MAST2: variants seen among roughly 807,000 people sequenced by gnomAD.
MAST2 encodes microtubule associated serine/threonine kinase 2, also known as microtubule-associated serine/threonine-protein kinase 2.
In MAST2, 70 loss-of-function variants were observed where a neutral mutation model predicts 147.4. The ratio of observed to expected loss-of-function variants is 0.47; its 90% CI spans 0.39 to 0.58. MAST2 has a LOEUF of 0.58. MAST2 is among the 20% of genes least tolerant of loss of function. The pLI, the probability that MAST2 is intolerant of heterozygous loss-of-function variation, is 0.00. For missense variants in MAST2, 2,080 were observed against 2,302.3 expected, an observed-to-expected ratio of 0.90 and a Z score of 1.98; for synonymous variants, 869 against 896.8, an observed-to-expected ratio of 0.97 and a Z score of 0.55.
At chr1:45,936,976 C>T (rs566719688) in intron 4 of MAST2, among the ~76,000 whole-genome samples, 1 of 149,924 alleles carries the variant, frequency 6.7e-6, no homozygotes, top group Admixed American at 6.6e-5. Context: ...CTCCTAGGCT[C>T]AAGCAGTCCT....
chr1:46,011,415 C>G (rs936404308), intron 10 of MAST2, among the ~76,000 whole-genome samples: 3 of 152,186 alleles, frequency 2.0e-5, no homozygotes, highest in Admixed American at 2.0e-4. Context: ...TTGGGACTTA[C>G]ATGTTTTGAG....
At chr1:45,822,046 G>A (rs1228374829) in intron 1 of MAST2, among the ~76,000 whole-genome samples, 3 of 151,140 alleles carry the variant, frequency 2.0e-5, no homozygotes, top group Non-Finnish European at 4.4e-5. Context: ...GTGCCATCAC[G>A]CCCAGCTAAT....
At chr1:45,863,261 C>G (rs551647129) in intron 3 of MAST2, among the ~76,000 whole-genome samples, 1 of 152,130 alleles carries the variant, frequency 6.6e-6, no homozygotes, top group Non-Finnish European at 1.5e-5. Flanking sequence ...CTAGTTAAAC[C>G]TATTTTGATA....
chr1:45,859,188 G>C (rs1484898454), intron 3 of MAST2, among the ~76,000 whole-genome samples: 1 of 152,102 alleles, frequency 6.6e-6, no homozygotes, highest in Non-Finnish European at 1.5e-5. Flanking sequence ...TCCGCCTCCT[G>C]GGTTCAAGTG....
At chr1:45,999,671 C>T (rs571474128) in intron 6 of MAST2, among the ~76,000 whole-genome samples, 1 of 152,310 alleles carries the variant, frequency 6.6e-6, no homozygotes, top group South Asian at 2.1e-4. Flanking sequence ...TCCCTCAGAT[C>T]TTCATTTAGC....
At position 46,032,400 on chromosome 1, in the gene MAST2, T is replaced by C. The variant is rs1171792106; in HGVS notation, c.3410T>C (p.Val1137Ala). Residue 1137 changes from valine (V) to alanine (A), a missense_variant, in exon 25 of 29, where the codon GTG becomes GCG. Transcript: ENST00000361297. ...GATGTCTACACCGTGCACCATATGG[T>C]GTGGGTATGTCTGACCATCCAGACC... is the stretch of plus-strand genomic sequence containing the variant. The part of the protein sequence containing the change: ...DSDVYTVHHM[V>A]WHVEDGGPAS... The C allele has an allele frequency of 1.2e-6, 2 of 1,614,088 alleles. No homozygotes were observed. Among genetic ancestry groups the C allele is most frequent in the East Asian group, 2.2e-5 (1 of 44,878 alleles).
chr1:45,906,144 A>C (rs1650682726), intron 4 of MAST2, among the ~76,000 whole-genome samples: 1 of 152,216 alleles, frequency 6.6e-6, no homozygotes, highest in South Asian at 2.1e-4. Context: ...ATAAAAAATT[A>C]CTGAGTTGTA....
chr1:45,922,248 C>T (rs984506781), intron 4 of MAST2, among the ~76,000 whole-genome samples: 1 of 152,196 alleles, frequency 6.6e-6, no homozygotes, highest in African/African-American at 2.4e-5. Context: ...CACAAGTTGC[C>T]CTTGCGGTTT....
rs6697830 is a variant in MAST2, at chr1:45,824,805, C to A, written c.325+225C>A. Among the ~76,000 whole-genome samples the A allele has an allele frequency of 0.33, 50,535 of 152,068 alleles. 8,671 individuals carry two copies. The highest frequency in any genetic ancestry group is 0.41 in the African/African-American group (16,980 of 41,474). The stretch of plus-strand genomic sequence containing the variant: ...TTCTTGGTTGATCACCACTAGTGGT[C>A]ACTCTCTCTTACTCTGATTTTTGCT... On this transcript the variant is annotated intron_variant, in intron 2 of 28. Coordinates refer to ENST00000361297, the MANE Select transcript of MAST2 (RefSeq NM_015112.3).
intron 4 of MAST2, among the ~76,000 whole-genome samples, chr1:45,894,104 T>C (rs539493426): frequency 1.3e-5 from 2 of 152,076 alleles, no homozygotes; most frequent in South Asian, 4.2e-4. Context: ...TGGTCCCAGC[T>C]ACTTGGGAGG....
chr1:45,988,160 C>G (rs549827870), intron 5 of MAST2, among the ~76,000 whole-genome samples: 1 of 152,076 alleles, frequency 6.6e-6, no homozygotes, highest in South Asian at 2.1e-4. Context: ...CCACAGTTGC[C>G]TGCCACCACA....
intron 3 of MAST2, among the ~76,000 whole-genome samples, chr1:45,856,050 T>C (rs1645778029): frequency 6.6e-6 from 1 of 152,244 alleles, no homozygotes; most frequent in South Asian, 2.1e-4. Flanking sequence ...GGAAAAGCTC[T>C]GTCCTGAGTG....
At chr1:45,861,991 C>T (rs150844220) in intron 3 of MAST2, among the ~76,000 whole-genome samples, 5 of 152,338 alleles carry the variant, frequency 3.3e-5, no homozygotes, top group African/African-American at 7.2e-5. Flanking sequence ...ATAGCATTTG[C>T]AGTCTTGATT....
chr1:45,942,999 A>G (rs1657526316), intron 4 of MAST2, among the ~76,000 whole-genome samples: 1 of 152,210 alleles, frequency 6.6e-6, no homozygotes, highest in Non-Finnish European at 1.5e-5. Flanking sequence ...AAGCCAATCA[A>G]TCCCCAATTC....
intron 3 of MAST2, among the ~76,000 whole-genome samples, chr1:45,854,165 C>A (rs1383519034): frequency 6.6e-6 from 1 of 151,960 alleles, no homozygotes; most frequent in Admixed American, 6.6e-5. Flanking sequence ...ATGGCAAAAC[C>A]CTATCTACTA....
At chr1:45,853,128 C>G (rs1645675702) in intron 3 of MAST2, among the ~76,000 whole-genome samples, 1 of 151,926 alleles carries the variant, frequency 6.6e-6, no homozygotes, top group Non-Finnish European at 1.5e-5. Context: ...CAGGGTTTCA[C>G]CATGTTGGTC....
intron 2 of MAST2, among the ~76,000 whole-genome samples, chr1:45,826,914 C>T (rs544964517): frequency 6.6e-6 from 1 of 152,170 alleles, no homozygotes; most frequent in African/African-American, 2.4e-5. Flanking sequence ...CTGAAACCTC[C>T]GCCTTCCTGG....
chr1:45,813,496 ATTT>A (rs34566447), intron 1 of MAST2, among the ~76,000 whole-genome samples: 46,277 of 134,308 alleles, frequency 0.34, 7,798 homozygotes, highest in African/African-American at 0.44. Context: ...CGCCTGGCCA[ATTT>A]TTTTTTTTTT....
At chr1:45,997,606 G>T (rs1645107650) in intron 5 of MAST2, 118 bp from the exon 6 acceptor site, 1 of 745,662 alleles carries the variant, frequency 1.3e-6, no homozygotes, top group East Asian at 2.5e-5. Flanking sequence ...ACTGATAGTG[G>T]CCCTGAGAAA....
Sources: gnomAD v4.1 joint callset for allele counts (sites outside exome capture counted in the v4.1 genomes callset) on GRCh38, gnomAD v4.1.1 for gene constraint, MANE v1.5 for transcripts, NCBI Gene and HGNC (gene_info 2026-07-23, HGNC 2026-07-21) for gene names.